Variants in ARF3 observed in about 807,000 individuals in gnomAD.
The protein encoded by ARF3 is ARF GTPase 3.
ARF3 carries 5 observed loss-of-function variants against 19.3 expected under a neutral mutation model. The ratio of observed to expected loss-of-function variants is 0.26; its 90% CI spans 0.14 to 0.54. The LOEUF is 0.54. ARF3 is among the 20% of genes least tolerant of loss of function. The pLI, the probability that ARF3 is intolerant of heterozygous loss-of-function variation, is 0.95. For synonymous variants in ARF3, 71 were observed against 89.2 expected, an observed-to-expected ratio of 0.80 and a Z score of 1.15; for missense variants, 77 against 234.2, an observed-to-expected ratio of 0.33 and a Z score of 4.38.
chr12:48,943,811 G>A (rs1403861430), intron 1 of ARF3, among the ~76,000 whole-genome samples: 1 of 152,152 alleles, frequency 6.6e-6, no homozygotes, highest in Non-Finnish European at 1.5e-5. Flanking sequence ...TTCCCCAGAT[G>A]AGCCCTACCC....
chr12:48,951,271 G>A (rs1940463655), intron 1 of ARF3, among the ~76,000 whole-genome samples: 1 of 152,244 alleles, frequency 6.6e-6, no homozygotes, highest in African/African-American at 2.4e-5. Context: ...AACATTTAAA[G>A]TAGTGGGAGC....
intron 1 of ARF3, among the ~76,000 whole-genome samples, chr12:48,951,273 A>G (rs572739694): frequency 6.6e-6 from 1 of 152,316 alleles, no homozygotes; most frequent in Non-Finnish European, 1.5e-5. Context: ...CATTTAAAGT[A>G]GTGGGAGCCA....
intron 1 of ARF3, chr12:48,953,211 G>C (rs185572073): frequency 6.6e-6 from 1 of 152,232 alleles, no homozygotes; most frequent in Non-Finnish European, 1.5e-5. Flanking sequence ...GGTGGTCTCT[G>C]ATCCTTTTCC....
Position 48,939,129 on chromosome 12 carries a change from A to AT in ARF3, c.385-22dup, listed in dbSNP as rs1464865082. The AT allele has an allele frequency of 4.4e-6, 7 of 1,602,992 alleles. No individual in the cohort carries two copies. ...AGATCCTGGAGCACGTGGGAGACAC[A>AT]TAAAAAGAAGCCTCAGGATTTTTTA... is the stretch of plus-strand genomic sequence containing the variant. On this transcript the variant is annotated intron_variant, in intron 4 of 4. Coordinates refer to ENST00000256682, the MANE Select transcript of ARF3 (RefSeq NM_001659.3). This position sits in a 1 kb window ranked among gnomAD's most constrained non-coding sequence, Gnocchi z 4.8.
intron 1 of ARF3, chr12:48,956,887 A>G (rs1940579511): frequency 7.2e-6 from 1 of 139,136 alleles, no homozygotes; most frequent in South Asian, 2.2e-4. Flanking sequence ...CCCGTCTCCT[A>G]TTGCTAAGGT....
rs970744025 is a variant in ARF3, at chr12:48,946,818, C to T, written c.-93-5630G>A. ...ACGTGCCTGCCTCAATCTCCAGGTG[C>T]TTTTGAGAGTCACACATCCCAGTCG... On this transcript the variant is annotated intron_variant, in intron 1 of 4. Transcript: ENST00000256682. Among the ~76,000 whole-genome samples the T allele has an allele frequency of 2.0e-5, 3 of 152,306 alleles. No homozygotes were observed. In the East Asian group the frequency reaches 5.8e-4, roughly 29 times the overall value.
intron 1 of ARF3, among the ~76,000 whole-genome samples, chr12:48,950,621 C>T (rs1221445808): frequency 6.6e-6 from 1 of 152,112 alleles, no homozygotes; most frequent in Non-Finnish European, 1.5e-5. Context: ...ATCACCTCAA[C>T]TTTTTAATCT....
In ARF3 at chr12:48,939,118, G is replaced by A. The variant is rs761990060; in HGVS notation, c.385-10C>T. The A allele has an allele frequency of 1.3e-5, 21 of 1,607,956 alleles. No homozygotes were observed. Among genetic ancestry groups the A allele is most frequent in the South Asian group, 1.2e-4 (11 of 90,710 alleles). On this transcript the variant is annotated splice_polypyrimidine_tract_variant and intron_variant, in intron 4 of 4. Coordinates refer to ENST00000256682, the MANE Select transcript of ARF3 (RefSeq NM_001659.3). The surrounding 1 kb of genome is among the most constrained non-coding windows in gnomAD (Gnocchi z 4.8). ...TAGCATTAGGCAGATCCTGGAGCAC[G>A]TGGGAGACACATAAAAAGAAGCCTC...
At chr12:48,950,743 C>A (rs552913479) in intron 1 of ARF3, among the ~76,000 whole-genome samples, 1 of 152,090 alleles carries the variant, frequency 6.6e-6, no homozygotes, top group Non-Finnish European at 1.5e-5. Context: ...CTAGGTACTT[C>A]ATAGAAGTAA....
chr12:48,955,557 G>C (rs536179910), intron 1 of ARF3: 7 of 152,262 alleles, frequency 4.6e-5, no homozygotes, highest in South Asian at 2.1e-4. Context: ...AAAGGCTAAG[G>C]GTCTTTGTAC....
Position 48,938,770 on chromosome 12 carries a change from T to C in ARF3, c.*177A>G. 1.4e-6 allele frequency: 1 copy of C among 719,012 alleles called. No individual in the cohort carries two copies. The highest frequency in any genetic ancestry group is 2.3e-6 in the Non-Finnish European group (1 of 436,660). 44.5% of individuals were successfully genotyped at this position (719,012 alleles called of 1,614,324 possible). On this transcript the variant is annotated 3_prime_UTR_variant, in exon 5 of 5. Coordinates refer to ENST00000256682, the MANE Select transcript of ARF3 (RefSeq NM_001659.3). ...CAGGACAGCAATTAGGGATTGGTCATATAGGTGGACAGGAAAAAGGAGGGG... is the reference window on the plus strand; with the variant it reads ...CAGGACAGCAATTAGGGATTGGTCACATAGGTGGACAGGAAAAAGGAGGGG...
At chr12:48,942,121 C>T (rs1328768627) in intron 1 of ARF3, among the ~76,000 whole-genome samples, 1 of 152,136 alleles carries the variant, frequency 6.6e-6, no homozygotes, top group Non-Finnish European at 1.5e-5. Context: ...AAACCCAAGG[C>T]CCAAACCATG....
chr12:48,951,952 T>C (rs1425847424), intron 1 of ARF3, among the ~76,000 whole-genome samples: 1 of 150,410 alleles, frequency 6.6e-6, no homozygotes, highest in South Asian at 2.1e-4. Flanking sequence ...CAGGAAAGAA[T>C]AAGAAGCAAC....
intron 1 of ARF3, among the ~76,000 whole-genome samples, chr12:48,947,811 GA>G (rs1283216270): frequency 1.3e-5 from 2 of 152,126 alleles, no homozygotes; most frequent in African/African-American, 4.8e-5. Context: ...GGGTGATTCT[GA>G]AACCTAATTC....
intron 1 of ARF3, among the ~76,000 whole-genome samples, chr12:48,943,446 C>T (rs1940301051): frequency 6.6e-6 from 1 of 152,098 alleles, no homozygotes; most frequent in Non-Finnish European, 1.5e-5. Context: ...AGTCTGGGAA[C>T]CAGAGACACA....
At chr12:48,957,007 T>A (rs1243148438) in intron 1 of ARF3, 1 of 152,442 alleles carries the variant, frequency 6.6e-6, no homozygotes, top group Non-Finnish European at 1.5e-5. Flanking sequence ...GGTTTTCCTC[T>A]CCCTCAACAG....
At chr12:48,945,668 A>G (rs1940346456) in intron 1 of ARF3, among the ~76,000 whole-genome samples, 1 of 152,086 alleles carries the variant, frequency 6.6e-6, no homozygotes, top group African/African-American at 2.4e-5. Context: ...GGTTGCAGTG[A>G]GCCGAGATCA....
intron 1 of ARF3, among the ~76,000 whole-genome samples, chr12:48,946,258 G>T (rs1457035736): frequency 6.6e-6 from 1 of 152,162 alleles, no homozygotes; most frequent in African/African-American, 2.4e-5. Flanking sequence ...TTTGTGCCAT[G>T]AATACAAATC....
chr12:48,949,500 C>T lies in ARF3; in HGVS notation c.-94+7810G>A, dbSNP rs148670859. ...TCGGCCTCCCAAAGTGCTGGGATTA[C>T]AGGCATGAGCCACTGCACCTGGCCT... On this transcript the variant is annotated intron_variant, in intron 1 of 4. Transcript: ENST00000256682. Among the ~76,000 whole-genome samples, 818 of 152,276 alleles carry T rather than the reference C, an allele frequency of 5.4e-3. 6 individuals carry two copies. The highest frequency in any genetic ancestry group is 0.01 in the Middle Eastern group (3 of 294).
Sources: allele counts gnomAD v4.1 joint callset (sites outside exome capture counted in the v4.1 genomes callset), GRCh38; gene constraint gnomAD v4.1.1; non-coding constraint Gnocchi (gnomAD v3.1); transcripts MANE v1.5; gene names NCBI Gene and HGNC (gene_info 2026-07-23, HGNC 2026-07-21).